CAPN12: variants seen among roughly 807,000 people sequenced by gnomAD.
The protein encoded by CAPN12 is calpain-12.
CAPN12 carries 107 observed loss-of-function variants against 95.0 expected under a neutral mutation model. The ratio of observed to expected loss-of-function variants is 1.13; its 90% CI spans 0.96 to 1.32. CAPN12 has a LOEUF of 1.32. CAPN12 is among the 40% of genes most tolerant of loss of function. The pLI is 0.00. For synonymous variants in CAPN12, 505 were observed against 415.5 expected (o/e 1.22, Z -2.62); for missense variants, 1,136 against 997.8 (o/e 1.14, Z -1.87).
At position 38,739,884 on chromosome 19, in the gene CAPN12, CTGAT is replaced by C. The variant is rs1568793435; in HGVS notation, c.729+163_729+166del. 3 of 658,642 alleles carry C rather than the reference CTGAT, an allele frequency of 4.6e-6. No individual in the cohort carries two copies. In the African/African-American group the frequency reaches 5.5e-5, roughly 12 times the overall value. 40.8% of individuals were successfully genotyped at this position (658,642 alleles called of 1,614,324 possible). On this transcript the variant is annotated intron_variant, in intron 5 of 20. Coordinates refer to ENST00000328867, the MANE Select transcript of CAPN12 (RefSeq NM_144691.4). Reference sequence around the variant, plus strand: ...CTGGATCCAGCTGTGCCTGAAGCCCCTGATTCATGAGAGCAAATGAATTTATTTT... The same window carrying C: ...CTGGATCCAGCTGTGCCTGAAGCCCCTCATGAGAGCAAATGAATTTATTTT...
intron 4 of CAPN12, 99 bp from the exon 5 acceptor site, chr19:38,740,318 T>G: frequency 1.6e-6 from 2 of 1,246,214 alleles, no homozygotes; most frequent in Non-Finnish European, 2.2e-6. Context: ...GGGTGTGGAA[T>G]CCCCAGGGGA....
chr19:38,736,829 C>T (rs906065322), intron 10 of CAPN12: 17 of 590,204 alleles, frequency 2.9e-5, no homozygotes, highest in South Asian at 8.3e-5. Flanking sequence ...CTGTCCCTAA[C>T]CTCGTCCCTC....
In CAPN12 at chr19:38,744,268, G is replaced by T; in HGVS notation, c.-103C>A. Reference sequence around the variant, plus strand: ...AGCCCCAGTGGGGTCTTTAGGCAATGAGGAGCCTTCCCTCGTTAATATTAA... The same window carrying T: ...AGCCCCAGTGGGGTCTTTAGGCAATTAGGAGCCTTCCCTCGTTAATATTAA... On this transcript the variant is annotated 5_prime_UTR_variant, in exon 1 of 21. Coordinates refer to ENST00000328867, the MANE Select transcript of CAPN12 (RefSeq NM_144691.4). 1.9e-6 allele frequency: 2 copies of T among 1,069,602 alleles called. No homozygotes were observed. Among genetic ancestry groups the T allele is most frequent in the South Asian group, 1.3e-5 (1 of 76,892 alleles). The allele number at this position is 1,069,602 out of a possible 1,614,324, so 66.3% of individuals were successfully genotyped here.
intron 18 of CAPN12, among the ~76,000 whole-genome samples, chr19:38,732,949 G>A (rs1164299164): frequency 6.6e-6 from 1 of 152,102 alleles, no homozygotes; most frequent in African/African-American, 2.4e-5. Context: ...TGTTGTGCTG[G>A]GCTTGTTCCA....
chr19:38,743,851 C>T (rs2145287943), intron 1 of CAPN12, 78 bp downstream of exon 1: 2 of 1,426,372 alleles, frequency 1.4e-6, no homozygotes, highest in South Asian at 1.2e-5. Context: ...CCCAGCCTTC[C>T]TTCCTCAGAC....
rs1457721336 is a variant in CAPN12 at position 38,743,958 on chromosome 19, C to G, written c.208G>C (p.Ala70Pro). The G allele has an allele frequency of 1.2e-6, 2 of 1,614,228 alleles. No homozygotes were observed. The highest frequency in any genetic ancestry group is 1.3e-5 in the African/African-American group (1 of 75,066). Residue 70 changes from alanine to proline, a missense_variant, in exon 1 of 21, where the codon GCC becomes CCC. Physicochemically the swap from Ala to Pro is conservative, Grantham distance 27. Transcript: ENST00000328867. ...GGCCTCATCCATTTCACGCCTTTGG[C>G]CTTCTCCGAGTCCGGCCCCAGCTGG... ...YDQLGPDSEK[A>P]KGVKWMRPHE...
chr19:38,742,548 T>A lies in CAPN12; in HGVS notation c.308-20A>T. ...AGTTACCTGGGAGGAGAGGCCAGGATTAGGTGAGGATGGAAGGAGGGAGGC... is the reference window on the plus strand; with the variant it reads ...AGTTACCTGGGAGGAGAGGCCAGGAATAGGTGAGGATGGAAGGAGGGAGGC... On this transcript the variant is annotated intron_variant, in intron 2 of 20. Coordinates refer to ENST00000328867, the MANE Select transcript of CAPN12 (RefSeq NM_144691.4). 6.4e-7 allele frequency: 1 copy of A among 1,564,624 alleles called. No homozygotes were observed. The highest frequency in any genetic ancestry group is 1.4e-5 in the African/African-American group (1 of 73,646).
At chr19:38,742,870 AAAGG>A (rs1568328035) in intron 2 of CAPN12, among the ~76,000 whole-genome samples, 159 bp downstream of exon 2, 2 of 148,774 alleles carry the variant, frequency 1.3e-5, no homozygotes, top group African/African-American at 4.9e-5. Flanking sequence ...AAAAAAAAAA[AAAGG>A]AAGGAAGGAA....
chr19:38,732,939 T>G (rs1969736842), intron 18 of CAPN12, among the ~76,000 whole-genome samples: 1 of 152,178 alleles, frequency 6.6e-6, no homozygotes, highest in South Asian at 2.1e-4. Context: ...TTGGTTAGGA[T>G]GTTGTGCTGG....
intron 11 of CAPN12, 104 bp downstream of exon 11, chr19:38,736,448 C>G (rs959158047): frequency 1.3e-6 from 2 of 1,503,630 alleles, no homozygotes; most frequent in Admixed American, 2.1e-5. Context: ...CCGGCTCTGC[C>G]CCCCCACCCC....
Position 38,735,515 on chromosome 19 carries a change from A to C in CAPN12, c.1613T>G (p.Leu538Arg), listed in dbSNP as rs1423946636. ...AACAGTCCCCACCTGGAGAGACTGC[A>C]GGTCTGCGCTGATCACGTCGTCGAT... ...VEIDDVISAD[L>R]QSLQGPYLPL... is the part of the protein sequence containing the mutation. The change falls in exon 13 of 21, where the codon CTG (leucine) becomes CGG (arginine). Residue 538 changes from leucine (L) to arginine (R), a missense_variant. Coordinates refer to ENST00000328867, the MANE Select transcript of CAPN12 (RefSeq NM_144691.4). The C allele has an allele frequency of 1.2e-6, 2 of 1,610,968 alleles. No individual in the cohort carries two copies. Among genetic ancestry groups the C allele is most frequent in the Non-Finnish European group, 1.7e-6 (2 of 1,179,484 alleles).
At chr19:38,741,120 G>A (rs1456901334) in intron 4 of CAPN12, among the ~76,000 whole-genome samples, 2 of 152,156 alleles carry the variant, frequency 1.3e-5, no homozygotes, top group South Asian at 2.1e-4. Context: ...TGGACCAGGA[G>A]AGACAATCTA....
rs1404501513 is a variant in CAPN12, at chr19:38,730,554, T to TA, written c.*297dup. The TA allele has an allele frequency of 1.7e-5, 8 of 479,710 alleles. No individual in the cohort carries two copies. The highest frequency in any genetic ancestry group is 1.1e-3 in the Middle Eastern group (2 of 1,850). 29.7% of individuals were successfully genotyped at this position (479,710 alleles called of 1,614,324 possible). On this transcript the variant is annotated 3_prime_UTR_variant, in exon 21 of 21. Coordinates refer to ENST00000328867, the MANE Select transcript of CAPN12 (RefSeq NM_144691.4). ...GGATTCCTGCAGCATCATCTTTTTT[T>TA]ATTTCTCCTGTGTCTGTCCTCCACC...
intron 10 of CAPN12, chr19:38,736,783 T>G: frequency 1.6e-6 from 1 of 613,894 alleles, no homozygotes; most frequent in Non-Finnish European, 2.8e-6. Flanking sequence ...TCTGTATCCT[T>G]GGTCCCCTCT....
rs372986287 is a variant in CAPN12 at position 38,734,686 on chromosome 19, T to C, written c.1744+127A>G. 281 of 833,128 alleles carry C rather than the reference T, an allele frequency of 3.4e-4. 1 individual carries two copies. The East Asian group carries it at 6.6e-3, about 20-fold the overall frequency. 51.6% of individuals were successfully genotyped at this position (833,128 alleles called of 1,614,324 possible). On this transcript the variant is annotated intron_variant, in intron 15 of 20. Transcript: ENST00000328867. ...CCCCTGCAGGGAGATGCTGCCAGGC[T>C]GAGCCCTGGCTTCCTGAGCCCAACT...
At chr19:38,739,235 G>A (rs1042274208) in intron 5 of CAPN12, 1 of 156,814 alleles carries the variant, frequency 6.4e-6, no homozygotes, top group Non-Finnish European at 1.4e-5. Context: ...CAGATCACAA[G>A]GTCAGGAGAT....
chr19:38,731,125 G>T lies in CAPN12; in HGVS notation c.2056C>A (p.His686Asn). ...TACTCACAGAAGATGCAGGTGAGGT[G>T]GGCCACACAGGACACGAACCGCTCG... ...DFERFVSCVA[H>N]LTCIFCHCSQ... is the part of the protein sequence containing the mutation. Residue 686 changes from histidine (H) to asparagine (N), a missense_variant, in exon 19 of 21, where the codon CAC becomes AAC. His to Asn is a moderately conservative substitution (Grantham distance 68). Coordinates refer to ENST00000328867, the MANE Select transcript of CAPN12 (RefSeq NM_144691.4). 1.9e-6 allele frequency: 3 copies of T among 1,612,470 alleles called. No homozygotes were observed. The highest frequency in any genetic ancestry group is 2.5e-6 in the Non-Finnish European group (3 of 1,179,748).
chr19:38,736,378 C>T, intron 11 of CAPN12, 60 bp from the exon 12 acceptor site: 1 of 1,481,480 alleles, frequency 6.8e-7, no homozygotes, highest in East Asian at 2.6e-5. Flanking sequence ...ATCCCCGCAC[C>T]CTCCAGCGCG....
chr19:38,737,360 A>G lies in CAPN12; in HGVS notation c.1158T>C (p.Arg386=). 6.2e-7 allele frequency: 1 copy of G among 1,610,014 alleles called. No homozygotes were observed. The highest frequency in any genetic ancestry group is 8.5e-7 in the Non-Finnish European group (1 of 1,178,862). ...AETFWTNPQF[R]LTLLEPDEED... is the part of the protein sequence containing the mutation. The stretch of plus-strand genomic sequence containing the variant: ...CCTCATCAGGCTCCAGCAGCGTTAA[A>G]CGGAACTGAGGATTGGTCCAGAAGG... The change falls in exon 10 of 21, where the codon CGT becomes CGC. Residue 386 remains arginine, a synonymous_variant. Transcript: ENST00000328867.
Sources: gnomAD v4.1 joint callset for allele counts (sites outside exome capture counted in the v4.1 genomes callset) on GRCh38, gnomAD v4.1.1 for gene constraint, MANE v1.5 for transcripts, NCBI Gene and HGNC (gene_info 2026-07-23, HGNC 2026-07-21) for gene names.